The following CSMD1 variants were observed in gnomAD, a reference collection of about 807,000 sequenced individuals.
CSMD1 encodes CUB and sushi domain-containing protein 1.
A neutral mutation model predicts 417.5 loss-of-function variants in CSMD1; 213 were observed. The ratio of observed to expected loss-of-function variants is 0.51; its 90% CI spans 0.46 to 0.57. The LOEUF (loss-of-function observed/expected upper bound fraction) is 0.57. CSMD1 is among the 20% of genes least tolerant of loss of function. The probability of loss-of-function intolerance (pLI) is 0.00; values close to 1 mark genes in which losing one functional copy is unlikely to be tolerated. For synonymous variants in CSMD1, 2,862 were observed against 1,736.8 expected (o/e 1.65, Z -16.11); for missense variants, 6,923 against 4,529.7 (o/e 1.53, Z -15.17).
chr8:3,888,412 C>G (rs1173713766), intron 5 of CSMD1, among the ~76,000 whole-genome samples: 6 of 152,088 alleles, frequency 3.9e-5, no homozygotes, highest in Admixed American at 2.0e-4. Context: ...ATACGGAAAC[C>G]TTTTTTTACC....
intron 5 of CSMD1, among the ~76,000 whole-genome samples, chr8:3,903,714 A>G (rs956437184): frequency 2.0e-5 from 3 of 152,150 alleles, no homozygotes; most frequent in African/African-American, 7.2e-5. Context: ...GCATCCTGAA[A>G]GAAGCCAACA....
At chr8:4,640,382 T>G (rs1803117396) in intron 1 of CSMD1, among the ~76,000 whole-genome samples, 1 of 152,226 alleles carries the variant, frequency 6.6e-6, no homozygotes, top group African/African-American at 2.4e-5. Context: ...TGCATCTTAT[T>G]ATAAAGCCAC....
At chr8:4,171,085 C>T (rs552760948) in intron 3 of CSMD1, among the ~76,000 whole-genome samples, 1 of 151,818 alleles carries the variant, frequency 6.6e-6, no homozygotes, top group South Asian at 2.1e-4. Flanking sequence ...CGGTGCTTAC[C>T]AGAGTCCAGC....
Position 4,175,837 on chromosome 8 carries a change from A to T in CSMD1, c.416-143738T>A, listed in dbSNP as rs1465028346. ...ATATAAAAGTATGCAGAGTGAAAGT[A>T]ACTGGAAAGAAATAACCAAAATGTT... On this transcript the variant is annotated intron_variant, in intron 3 of 69. Transcript: ENST00000635120. Among the ~76,000 whole-genome samples, 3 of 152,188 alleles carry T rather than the reference A, an allele frequency of 2.0e-5. No homozygotes were observed. In the East Asian group the frequency reaches 5.8e-4, roughly 29 times the overall value.
At chr8:3,907,696 C>G (rs1808203250) in intron 5 of CSMD1, among the ~76,000 whole-genome samples, 1 of 152,160 alleles carries the variant, frequency 6.6e-6, no homozygotes, top group South Asian at 2.1e-4. Context: ...GCAATGTGGA[C>G]TTCTGTGGAT....
At chr8:4,974,894 C>T (rs1437774537) in intron 1 of CSMD1, among the ~76,000 whole-genome samples, 1 of 152,080 alleles carries the variant, frequency 6.6e-6, no homozygotes, top group African/African-American at 2.4e-5. Context: ...CACAAAAAAA[C>T]TATGATGGTT....
chr8:4,098,766 G>A (rs1043390302), intron 3 of CSMD1, among the ~76,000 whole-genome samples: 2 of 152,118 alleles, frequency 1.3e-5, no homozygotes, highest in African/African-American at 2.4e-5. Flanking sequence ...GTCAGACAGG[G>A]ATAGAATTGC....
intron 3 of CSMD1, among the ~76,000 whole-genome samples, chr8:4,372,556 G>A (rs1161581705): frequency 1.3e-5 from 2 of 151,826 alleles, no homozygotes; most frequent in Non-Finnish European, 2.9e-5. Context: ...GCCTTTTGGA[G>A]GAATGGCTGT....
chr8:4,929,398 A>G (rs902821019), intron 1 of CSMD1, among the ~76,000 whole-genome samples: 3 of 152,326 alleles, frequency 2.0e-5, no homozygotes, highest in South Asian at 4.1e-4. Context: ...ACTCCTCCTA[A>G]ATAACAGATA....
intron 7 of CSMD1, among the ~76,000 whole-genome samples, chr8:3,671,203 A>G (rs1331014011): frequency 6.8e-6 from 1 of 147,370 alleles, no homozygotes; most frequent in Admixed American, 6.9e-5. Context: ...GGTATATGGG[A>G]TCTATGTATA....
chr8:2,980,266 C>A (rs1805288791), intron 54 of CSMD1, among the ~76,000 whole-genome samples: 1 of 152,136 alleles, frequency 6.6e-6, no homozygotes, highest in South Asian at 2.1e-4. Context: ...CCGAGAGAAA[C>A]CAAATGGCCC....
chr8:3,945,217 C>G (rs1485818817), intron 5 of CSMD1, among the ~76,000 whole-genome samples: 1 of 148,460 alleles, frequency 6.7e-6, no homozygotes, highest in East Asian at 2.0e-4. Flanking sequence ...ACTATTTCTT[C>G]TGGAAAATTG....
chr8:4,727,695 G>A (rs1302280064), intron 1 of CSMD1, among the ~76,000 whole-genome samples: 6 of 151,938 alleles, frequency 3.9e-5, no homozygotes, highest in African/African-American at 1.2e-4. Flanking sequence ...ACTTGCAAAG[G>A]CAAATTCCTG....
chr8:4,392,853 A>G (rs576149288), intron 3 of CSMD1, among the ~76,000 whole-genome samples: 3 of 152,010 alleles, frequency 2.0e-5, no homozygotes, highest in Non-Finnish European at 1.5e-5. Context: ...CTGTAATCCC[A>G]GCTACCCAGG....
At chr8:3,780,057 A>C (rs1483011942) in intron 5 of CSMD1, among the ~76,000 whole-genome samples, 3 of 152,206 alleles carry the variant, frequency 2.0e-5, no homozygotes, top group African/African-American at 7.2e-5. Flanking sequence ...TGTGAGAAAC[A>C]TTCTTTAAAA....
chr8:4,469,829 A>G (rs532410606), intron 2 of CSMD1, among the ~76,000 whole-genome samples: 1 of 151,726 alleles, frequency 6.6e-6, no homozygotes, highest in East Asian at 2.0e-4. Flanking sequence ...AAGTCCTTAA[A>G]ATGACTCGCA....
At chr8:3,295,100 C>T (rs1360427358) in intron 25 of CSMD1, among the ~76,000 whole-genome samples, 1 of 149,648 alleles carries the variant, frequency 6.7e-6, no homozygotes, top group Non-Finnish European at 1.5e-5. Flanking sequence ...GCTTGTATCA[C>T]TTTCAATTTG....
intron 10 of CSMD1, among the ~76,000 whole-genome samples, chr8:3,517,719 G>A (rs1461581564): frequency 6.6e-6 from 1 of 152,114 alleles, no homozygotes; most frequent in Non-Finnish European, 1.5e-5. Context: ...TTTTTTGATA[G>A]TATAACTCAT....
At chr8:3,045,110 A>C (rs575493493) in intron 50 of CSMD1, among the ~76,000 whole-genome samples, 20 of 152,346 alleles carry the variant, frequency 1.3e-4, no homozygotes, top group African/African-American at 4.6e-4. Flanking sequence ...CAAACTTTAA[A>C]GAACGACGGG....
Sources: allele counts gnomAD v4.1 joint callset (sites outside exome capture counted in the v4.1 genomes callset), GRCh38; gene constraint gnomAD v4.1.1; transcripts MANE v1.5; gene names NCBI Gene and HGNC (gene_info 2026-07-23, HGNC 2026-07-21).